The following SULF1 variants were observed in gnomAD, a reference collection of about 807,000 sequenced individuals.
The protein encoded by SULF1 is sulfatase 1, also known as extracellular sulfatase Sulf-1.
A neutral mutation model predicts 110.5 loss-of-function variants in SULF1; 46 were observed. The observed-to-expected ratio is 0.42, with a 90% CI of 0.33 to 0.53. SULF1 has a LOEUF of 0.53. Ranked by LOEUF, SULF1 falls within the 20% of genes least tolerant of loss-of-function variation. SULF1 has a pLI of 0.12. For synonymous variants in SULF1, 371 were observed against 387.1 expected, an observed-to-expected ratio of 0.96 and a Z score of 0.49; for missense variants, 941 against 1,094.2, an observed-to-expected ratio of 0.86 and a Z score of 1.98.
upstream of SULF1, among the ~76,000 whole-genome samples, chr8:69,490,572 C>T (rs1405746847): frequency 2.0e-5 from 3 of 152,196 alleles, no homozygotes; most frequent in South Asian, 4.1e-4. Flanking sequence ...CCCTCACATT[C>T]GTCCCCTTCC....
chr8:69,587,404 T>A (rs1806545107), intron 7 of SULF1, among the ~76,000 whole-genome samples: 1 of 152,176 alleles, frequency 6.6e-6, no homozygotes, highest in African/African-American at 2.4e-5. Context: ...GTCTTTATGC[T>A]TGGCCTGATT....
intron 3 of SULF1, among the ~76,000 whole-genome samples, chr8:69,545,035 A>G (rs1256221909): frequency 1.3e-5 from 2 of 152,020 alleles, no homozygotes; most frequent in East Asian, 3.9e-4. Flanking sequence ...AATTCATGGC[A>G]TAATAAAATA....
intron 3 of SULF1, among the ~76,000 whole-genome samples, chr8:69,538,244 G>C (rs1339743542): frequency 7.8e-6 from 1 of 128,500 alleles, no homozygotes; most frequent in African/African-American, 3.0e-5. Flanking sequence ...TTTTTGTTTT[G>C]TTTGCTTATT....
At chr8:69,570,455 A>G (rs768887361) in intron 5 of SULF1, among the ~76,000 whole-genome samples, 13 of 152,228 alleles carry the variant, frequency 8.5e-5, no homozygotes, top group Non-Finnish European at 1.3e-4. Context: ...TAAACATGTC[A>G]ATGAAGTAAT....
intron 3 of SULF1, among the ~76,000 whole-genome samples, chr8:69,515,754 A>C (rs1934194989): frequency 6.6e-6 from 1 of 152,246 alleles, no homozygotes; most frequent in South Asian, 2.1e-4. Context: ...CAGTCAGGCC[A>C]TATCTTGAAC....
At chr8:69,593,761 A>G (rs1368561793) in intron 8 of SULF1, among the ~76,000 whole-genome samples, 1 of 152,202 alleles carries the variant, frequency 6.6e-6, no homozygotes, top group Non-Finnish European at 1.5e-5. Context: ...AATAACACAC[A>G]TAATAATCCT....
At position 69,651,051 on chromosome 8, in the gene SULF1, CTTTTCTT is replaced by C. The variant is rs1352276252; in HGVS notation, c.2586-7449_2586-7443del. On this transcript the variant is annotated intron_variant, in intron 22 of 22. Transcript: ENST00000402687. ...TCTATCAACATCTATTCTTTTTTTT[CTTTTCTT>C]TTTTTTTTTTTTTGAGACAGAGTTT... is the stretch of plus-strand genomic sequence containing the variant. 5.2e-5 allele frequency among the ~76,000 whole-genome samples: 7 copies of C among 134,164 alleles called. No individual in the cohort carries two copies. The East Asian group carries it at 1.4e-3, about 28-fold the overall frequency. 88.0% of individuals were successfully genotyped at this position (134,164 alleles called of 152,430 possible).
chr8:69,615,584 A>G (rs1809030844), intron 13 of SULF1, among the ~76,000 whole-genome samples: 1 of 152,202 alleles, frequency 6.6e-6, no homozygotes, highest in Middle Eastern at 3.4e-3. Context: ...ATATGTATAT[A>G]TGTAGTATGT....
At chr8:69,502,694 T>TTC (rs1287062268) in intron 3 of SULF1, among the ~76,000 whole-genome samples, 1 of 147,802 alleles carries the variant, frequency 6.8e-6, no homozygotes, top group Non-Finnish European at 1.5e-5. Context: ...TTTTTTCTTT[T>TTC]TTTTTTTTTT....
At chr8:69,527,168 A>C (rs1812758308) in intron 3 of SULF1, among the ~76,000 whole-genome samples, 1 of 151,848 alleles carries the variant, frequency 6.6e-6, no homozygotes, top group Non-Finnish European at 1.5e-5. Flanking sequence ...GTATACAAGG[A>C]CTCTTCAGGA....
chr8:69,631,691 C>T (rs538424438), intron 19 of SULF1, among the ~76,000 whole-genome samples: 125 of 152,382 alleles, frequency 8.2e-4, no homozygotes, highest in African/African-American at 2.9e-3. Context: ...ATTCCACAAG[C>T]ATCTCAAGCT....
At chr8:69,498,101 C>T (rs940574001) in intron 2 of SULF1, among the ~76,000 whole-genome samples, 2 of 125,860 alleles carry the variant, frequency 1.6e-5, no homozygotes, top group African/African-American at 6.7e-5. Context: ...CTCTCTCTGT[C>T]TCTCTCTCTC....
At chr8:69,609,768 A>G (rs77167034) in intron 13 of SULF1, among the ~76,000 whole-genome samples, 1 of 152,202 alleles carries the variant, frequency 6.6e-6, no homozygotes, top group African/African-American at 2.4e-5. Context: ...TTAGAATCAT[A>G]TGGGCAGCTT....
At chr8:69,562,512 T>C (rs1266449413) in intron 3 of SULF1, among the ~76,000 whole-genome samples, 1 of 152,202 alleles carries the variant, frequency 6.6e-6, no homozygotes, top group African/African-American at 2.4e-5. Context: ...GCAGCCTAAA[T>C]TCCCATAAAG....
intron 13 of SULF1, among the ~76,000 whole-genome samples, chr8:69,606,583 C>T (rs1808236954): frequency 6.6e-6 from 1 of 152,156 alleles, no homozygotes; most frequent in African/African-American, 2.4e-5. Context: ...GGTACACTGC[C>T]TACATTTCAG....
At chr8:69,492,561 C>G, upstream of SULF1, among the ~76,000 whole-genome samples, 1 of 152,160 alleles carries the variant, frequency 6.6e-6, no homozygotes, top group East Asian at 1.9e-4. Flanking sequence ...CTCAGGGAGC[C>G]GGAACCACAT....
intron 22 of SULF1, among the ~76,000 whole-genome samples, chr8:69,653,684 A>C (rs1384320785): frequency 6.6e-6 from 1 of 152,128 alleles, no homozygotes; most frequent in Non-Finnish European, 1.5e-5. Flanking sequence ...TGTCCACTCC[A>C]CAGAGGTCTG....
At chr8:69,613,646 T>C (rs1043328845) in intron 13 of SULF1, among the ~76,000 whole-genome samples, 1 of 152,160 alleles carries the variant, frequency 6.6e-6, no homozygotes, top group Non-Finnish European at 1.5e-5. Flanking sequence ...GCTAGAAGAA[T>C]GACAAACCTG....
At chr8:69,495,231 T>G (rs1810258626) in intron 1 of SULF1, among the ~76,000 whole-genome samples, 1 of 152,094 alleles carries the variant, frequency 6.6e-6, no homozygotes, top group African/African-American at 2.4e-5. Context: ...AAGCATAAAA[T>G]TATCATCTGG....
Sources: allele counts gnomAD v4.1 joint callset (sites outside exome capture counted in the v4.1 genomes callset), GRCh38; gene constraint gnomAD v4.1.1; transcripts MANE v1.5; gene names NCBI Gene and HGNC (gene_info 2026-07-23, HGNC 2026-07-21).